ZNF385B: variants seen among roughly 807,000 people sequenced by gnomAD.
The protein encoded by ZNF385B is zinc finger protein 533.
A neutral mutation model predicts 39.2 loss-of-function variants in ZNF385B; 23 were observed. The ratio of observed to expected loss-of-function variants is 0.59; its 90% CI spans 0.42 to 0.83. ZNF385B has a LOEUF of 0.83. Ranked by LOEUF, ZNF385B falls within the 40% of genes least tolerant of loss-of-function variation. The pLI is 0.00. For synonymous variants in ZNF385B, 205 were observed against 222.6 expected, an observed-to-expected ratio of 0.92 and a Z score of 0.70; for missense variants, 552 against 598.9, an observed-to-expected ratio of 0.92 and a Z score of 0.82.
At chr2:179,642,057 G>A (rs547534616) in intron 3 of ZNF385B, among the ~76,000 whole-genome samples, 11 of 152,028 alleles carry the variant, frequency 7.2e-5, no homozygotes, top group South Asian at 2.1e-4. Flanking sequence ...TGAAACTGAC[G>A]ACTGATTTAG....
At chr2:179,752,986 T>A (rs1702774841) in intron 3 of ZNF385B, among the ~76,000 whole-genome samples, 3 of 152,210 alleles carry the variant, frequency 2.0e-5, no homozygotes, top group African/African-American at 7.2e-5. Context: ...GCTTTTGGTG[T>A]TTTAGTCATG....
intron 1 of ZNF385B, among the ~76,000 whole-genome samples, chr2:179,790,909 C>T (rs184330472): frequency 3.4e-3 from 521 of 152,170 alleles, no homozygotes; most frequent in South Asian, 7.5e-3. Context: ...TTATAATGTC[C>T]CCCTATTTAT....
At chr2:179,520,570 T>C (rs1474660533) in intron 4 of ZNF385B, among the ~76,000 whole-genome samples, 1 of 152,182 alleles carries the variant, frequency 6.6e-6, no homozygotes, top group African/African-American at 2.4e-5. Flanking sequence ...AATAGGAAAC[T>C]ATACTTTCTG....
At chr2:179,443,923 G>C (rs72964269) in intron 9 of ZNF385B, among the ~76,000 whole-genome samples, 5,918 of 152,230 alleles carry the variant, frequency 0.039, 145 homozygotes, top group Middle Eastern at 0.095. Flanking sequence ...CAGGACTTTA[G>C]GGACCCTGAA....
intron 9 of ZNF385B, 62 bp downstream of exon 9, chr2:179,444,813 CA>C: frequency 7.1e-7 from 1 of 1,407,252 alleles, no homozygotes; most frequent in Non-Finnish European, 1.0e-6. Context: ...TCCTTGCCCA[CA>C]ATGGCTGCCC....
At chr2:179,670,291 C>CAAAA (rs35600247) in intron 3 of ZNF385B, among the ~76,000 whole-genome samples, 41 of 100,546 alleles carry the variant, frequency 4.1e-4, no homozygotes, top group Non-Finnish European at 6.5e-4. Context: ...GACTCCGTCT[C>CAAAA]AAAAAAAAAA....
At chr2:179,838,928 A>AGG (rs35164869) in intron 1 of ZNF385B, among the ~76,000 whole-genome samples, 7,331 of 130,496 alleles carry the variant, frequency 0.056, 207 homozygotes, top group African/African-American at 0.097. Context: ...CCAAAAAAAA[A>AGG]GGGGGGGGGG....
At chr2:179,500,147 A>C (rs2105721532) in intron 5 of ZNF385B, among the ~76,000 whole-genome samples, 1 of 152,242 alleles carries the variant, frequency 6.6e-6, no homozygotes, top group South Asian at 2.1e-4. Context: ...ACAAAAAGTG[A>C]AAGGATATTC....
chr2:179,644,931 T>C (rs1024845052), intron 3 of ZNF385B, among the ~76,000 whole-genome samples: 3 of 152,356 alleles, frequency 2.0e-5, no homozygotes, highest in Non-Finnish European at 4.4e-5. Flanking sequence ...ACCACATAAT[T>C]TGTTCAAAGT....
In ZNF385B at chr2:179,769,470, G is replaced by T. The variant is rs558942606; in HGVS notation, c.298+33C>A. The T allele has an allele frequency of 3.9e-5, 63 of 1,609,724 alleles. No individual in the cohort carries two copies. In the East Asian group the frequency reaches 1.4e-3, roughly 35 times the overall value. ...TTCCAGACCAGGACCATCTCTCCCC[G>T]CAGCACATGGAACCCGGGACCCTGC... On this transcript the variant is annotated intron_variant, in intron 3 of 9. Coordinates refer to ENST00000410066, the MANE Select transcript of ZNF385B (RefSeq NM_152520.6).
At chr2:179,843,103 A>T (rs759812864) in intron 1 of ZNF385B, among the ~76,000 whole-genome samples, 1 of 152,070 alleles carries the variant, frequency 6.6e-6, no homozygotes, top group Non-Finnish European at 1.5e-5. Context: ...CCATTCTTTC[A>T]TACCTTCCTG....
chr2:179,831,584 T>C (rs1468422819), intron 1 of ZNF385B, among the ~76,000 whole-genome samples: 4 of 152,088 alleles, frequency 2.6e-5, no homozygotes, highest in Non-Finnish European at 2.9e-5. Flanking sequence ...CACTTGGAAA[T>C]ACGTGCATCA....
At chr2:179,655,208 TGTCAA>T (rs1693619278) in intron 3 of ZNF385B, among the ~76,000 whole-genome samples, 2 of 152,282 alleles carry the variant, frequency 1.3e-5, no homozygotes, top group South Asian at 2.1e-4. Flanking sequence ...TATTTTCTGT[TGTCAA>T]GTCAAGAATT....
intron 3 of ZNF385B, among the ~76,000 whole-genome samples, chr2:179,620,615 C>A (rs1690129066): frequency 6.6e-6 from 1 of 152,046 alleles, no homozygotes; most frequent in African/African-American, 2.4e-5. Flanking sequence ...GTTTTCCTAA[C>A]TCCTATGACA....
chr2:179,650,397 A>G (rs1693095601), intron 3 of ZNF385B, among the ~76,000 whole-genome samples: 1 of 152,246 alleles, frequency 6.6e-6, no homozygotes. Flanking sequence ...TGTTTCCTTG[A>G]TAAATAAGGT....
intron 3 of ZNF385B, among the ~76,000 whole-genome samples, chr2:179,716,299 AT>A (rs2106395249): frequency 6.6e-6 from 1 of 152,190 alleles, no homozygotes; most frequent in African/African-American, 2.4e-5. Context: ...AGTAGGTCAT[AT>A]TTTTTCATTC....
At chr2:179,580,912 A>AG (rs1282274200) in intron 3 of ZNF385B, among the ~76,000 whole-genome samples, 1 of 152,166 alleles carries the variant, frequency 6.6e-6, no homozygotes, top group African/African-American at 2.4e-5. Flanking sequence ...AAATCACATG[A>AG]GGGGCTGACA....
intron 1 of ZNF385B, among the ~76,000 whole-genome samples, chr2:179,854,218 C>T (rs987569141): frequency 6.6e-6 from 1 of 152,054 alleles, no homozygotes; most frequent in African/African-American, 2.4e-5. Flanking sequence ...GGGTCTACAC[C>T]ATTTCTCTGT....
At chr2:179,850,669 A>T (rs1684060600) in intron 1 of ZNF385B, among the ~76,000 whole-genome samples, 1 of 152,156 alleles carries the variant, frequency 6.6e-6, no homozygotes, top group Non-Finnish European at 1.5e-5. Flanking sequence ...GGTGTGGGAG[A>T]TTCACAAAGA....
Sources: gnomAD v4.1 joint callset for allele counts (sites outside exome capture counted in the v4.1 genomes callset) on GRCh38, gnomAD v4.1.1 for gene constraint, MANE v1.5 for transcripts, NCBI Gene and HGNC (gene_info 2026-07-23, HGNC 2026-07-21) for gene names.